RBFA: variants seen among roughly 807,000 people sequenced by gnomAD.
RBFA encodes the protein ribosome binding factor A.
RBFA carries 16 observed loss-of-function variants against 27.9 expected under a neutral mutation model. That is an observed-to-expected ratio of 0.57 (90% CI 0.39 to 0.87). The LOEUF (loss-of-function observed/expected upper bound fraction) is 0.87, where lower values mean the gene tolerates loss of function less well. Ranked by LOEUF, RBFA falls within the 40% of genes least tolerant of loss-of-function variation. RBFA has a pLI of 0.00. For missense variants in RBFA, 456 were observed against 432.1 expected (o/e 1.06, Z -0.49); for synonymous variants, 181 against 181.0 (o/e 1.00, Z 0.00).
chr18:80,044,964 T>TGTA (rs2052040889), intron 6 of RBFA, among the ~76,000 whole-genome samples: 1 of 152,214 alleles, frequency 6.6e-6, no homozygotes, highest in Non-Finnish European at 1.5e-5. Context: ...AGCTCCACGC[T>TGTA]GTAGCAGGCC....
intron 4 of RBFA, chr18:80,041,546 T>C (rs2052015716): frequency 2.6e-5 from 4 of 152,242 alleles, no homozygotes; most frequent in South Asian, 4.1e-4. Flanking sequence ...GCTACGGCGA[T>C]GAGTTCAGAT....
At chr18:80,044,579 T>C (rs1023151359) in intron 6 of RBFA, among the ~76,000 whole-genome samples, 3 of 152,200 alleles carry the variant, frequency 2.0e-5, no homozygotes, top group African/African-American at 7.2e-5. Flanking sequence ...GCCCACTGTG[T>C]GCCAAGCCCT....
At position 80,034,504 on chromosome 18, in the gene RBFA, T is replaced by C; in HGVS notation, c.9T>C (p.Ala3=). 1 of 1,569,688 alleles carries C rather than the reference T, an allele frequency of 6.4e-7. No individual in the cohort carries two copies. Among genetic ancestry groups the C allele is most frequent in the Non-Finnish European group, 8.6e-7 (1 of 1,164,646 alleles). The stretch of plus-strand genomic sequence containing the variant: ...GGTCCCGGCGCCGCGCCATGTGGGC[T>C]GCGGCGGGCGGGCTGTGGCGCTCCC... MW[A]AAGGLWRSRA... is the part of the protein sequence containing the mutation. The change falls in exon 1 of 7, where the codon GCT becomes GCC. Residue 3 remains alanine, a synonymous_variant. Coordinates refer to ENST00000306735, the MANE Select transcript of RBFA (RefSeq NM_024805.3).
chr18:80,046,174 T>A lies in RBFA; in HGVS notation c.*19T>A. On this transcript the variant is annotated 3_prime_UTR_variant, in exon 7 of 7. Transcript: ENST00000306735. ...GGAGTAGATGGAGAGGCTCTGCCCA[T>A]CCCACATTTGCAGGGAAAAGCATTG... The A allele has an allele frequency of 6.2e-7, 1 of 1,606,226 alleles. No homozygotes were observed. The highest frequency in any genetic ancestry group is 8.5e-7 in the Non-Finnish European group (1 of 1,174,860).
chr18:80,036,445 G>C (rs1309237249), intron 1 of RBFA, among the ~76,000 whole-genome samples: 1 of 152,186 alleles, frequency 6.6e-6, no homozygotes, highest in Non-Finnish European at 1.5e-5. Context: ...ACTAGAAGTA[G>C]AATTTAGGTA....
At chr18:80,040,239 A>ATTTTTTTGT in intron 4 of RBFA, among the ~76,000 whole-genome samples, 1 of 91,418 alleles carries the variant, frequency 1.1e-5, no homozygotes, top group African/African-American at 4.1e-5. Flanking sequence ...GGAGGCCTGA[A>ATTTTTTTGT]TTTTTTTTTT....
In RBFA at chr18:80,037,340, C is replaced by A. The variant is rs140820968; in HGVS notation, c.212C>A (p.Pro71Gln). ...PSLGSHSTYK[P>Q]SKLEFLMRST... ...TTCTTCCTGATGGAGACTTACAAAC[C>A]ATCCAAGTTGGAATTCCTCATGAGG... Residue 71 changes from proline to glutamine, a missense_variant, in exon 3 of 7, where the codon CCA becomes CAA. Pro to Gln is a moderately conservative substitution (Grantham distance 76). Coordinates refer to ENST00000306735, the MANE Select transcript of RBFA (RefSeq NM_024805.3). 4.3e-6 allele frequency: 7 copies of A among 1,613,658 alleles called. No homozygotes were observed. Among genetic ancestry groups the A allele is most frequent in the South Asian group, 1.1e-5 (1 of 91,062 alleles).
At position 80,047,929 on chromosome 18, in the gene RBFA, C is replaced by A. The variant is rs34978954; in HGVS notation, c.*1774C>A. On this transcript the variant is annotated 3_prime_UTR_variant, in exon 7 of 7. Coordinates refer to ENST00000306735, the MANE Select transcript of RBFA (RefSeq NM_024805.3). The stretch of plus-strand genomic sequence containing the variant: ...TCCCTGGCTTACAACAACCAGTTTG[C>A]CTCTTATTCTTCTAGGGGACCATCA... Among the ~76,000 whole-genome samples the A allele has an allele frequency of 0.19, 28,289 of 152,074 alleles. 2,869 individuals carry two copies. Among genetic ancestry groups the A allele is most frequent in the Middle Eastern group, 0.23 (69 of 294 alleles).
rs1463748947 is a variant in RBFA, at chr18:80,046,841, G to A, written c.*686G>A. ...TTCCCTTGGTGCCCGTGGCCAGCTA[G>A]TGTATTTTCTAATCCATCCAAAGGT... On this transcript the variant is annotated 3_prime_UTR_variant, in exon 7 of 7. Transcript: ENST00000306735. 2 of 152,882 alleles carry A rather than the reference G, an allele frequency of 1.3e-5. No homozygotes were observed. The highest frequency in any genetic ancestry group is 1.9e-4 in the East Asian group (1 of 5,194). 9.5% of individuals were successfully genotyped at this position (152,882 alleles called of 1,614,324 possible).
chr18:80,034,791 G>T, intron 1 of RBFA, 138 bp downstream of exon 1: 1 of 1,021,440 alleles, frequency 9.8e-7, no homozygotes, highest in Non-Finnish European at 1.4e-6. Context: ...GTCTGCAGCA[G>T]TTCTAGCTCT....
rs1184183426 is a variant in RBFA at position 80,050,398 on chromosome 18, A to C, written c.*4243A>C. Among the ~76,000 whole-genome samples, 1 of 152,214 alleles carries C rather than the reference A, an allele frequency of 6.6e-6. No individual in the cohort carries two copies. Among genetic ancestry groups the C allele is most frequent in the Non-Finnish European group, 1.5e-5 (1 of 68,028 alleles). On this transcript the variant is annotated 3_prime_UTR_variant, in exon 7 of 7. Transcript: ENST00000306735. ...GTAGGTGTATATATTTGTGGGGTACATGAGATGTTTTGATACAGACATGCA... is the reference window on the plus strand; with the variant it reads ...GTAGGTGTATATATTTGTGGGGTACCTGAGATGTTTTGATACAGACATGCA...
chr18:80,038,305 GA>G (rs1345383932), intron 3 of RBFA, among the ~76,000 whole-genome samples, 199 bp from the exon 4 acceptor site: 1 of 152,190 alleles, frequency 6.6e-6, no homozygotes, highest in African/African-American at 2.4e-5. Context: ...CTGGTGAAGA[GA>G]GGAGGGAGGT....
At chr18:80,044,373 C>T in intron 6 of RBFA, 88 bp downstream of exon 6, 1 of 1,156,142 alleles carries the variant, frequency 8.6e-7, no homozygotes, top group Non-Finnish European at 1.3e-6. Context: ...CCCAGCGCCA[C>T]ATCCCGAGTA....
At position 80,044,257 on chromosome 18, in the gene RBFA, A is replaced by C. The variant is rs1329744299; in HGVS notation, c.622A>C (p.Arg208=). The C allele has an allele frequency of 1.9e-6, 3 of 1,614,202 alleles. No homozygotes were observed. The highest frequency in any genetic ancestry group is 2.5e-6 in the Non-Finnish European group (3 of 1,180,012). ...CGCAGACTTTGGACCCCGGGATGAA[A>C]GAGACAACTTTGTACAAAATGATTT... is the stretch of plus-strand genomic sequence containing the variant. The part of the protein sequence containing the change: ...AVADFGPRDE[R]DNFVQNDFRD... The change falls in exon 6 of 7, where the codon AGA becomes CGA. Residue 208 remains arginine (R), a synonymous_variant. Coordinates refer to ENST00000306735, the MANE Select transcript of RBFA (RefSeq NM_024805.3).
At chr18:80,045,743 G>A (rs527890301) in intron 6 of RBFA, 31 bp from the exon 7 acceptor site, 1 of 1,506,904 alleles carries the variant, frequency 6.6e-7, no homozygotes, top group East Asian at 2.3e-5. Context: ...CATGGTTTGT[G>A]CTTGGTGTGA....
chr18:80,042,097 C>CG (rs2052020235), intron 4 of RBFA, 38 bp from the exon 5 acceptor site: 1 of 1,473,016 alleles, frequency 6.8e-7, no homozygotes, highest in Non-Finnish European at 9.3e-7. Flanking sequence ...CTGAGTGTCA[C>CG]GGCACAGCTG....
chr18:80,039,777 A>C (rs1042295116), intron 4 of RBFA, among the ~76,000 whole-genome samples: 1 of 152,204 alleles, frequency 6.6e-6, no homozygotes, highest in African/African-American at 2.4e-5. Context: ...TTGTTTTCCA[A>C]ATGACCAGTG....
chr18:80,036,167 A>T (rs905549136), intron 1 of RBFA: 1 of 152,688 alleles, frequency 6.5e-6, no homozygotes, highest in African/African-American at 2.4e-5. Context: ...ACCTATAAAC[A>T]TTTCCGTGTA....
At chr18:80,040,169 CAAA>C (rs930436807) in intron 4 of RBFA, among the ~76,000 whole-genome samples, 9 of 148,414 alleles carry the variant, frequency 6.1e-5, no homozygotes, top group Admixed American at 3.4e-4. Context: ...ATTTTTGTGA[CAAA>C]GAAGATCCAT....
Sources: gnomAD v4.1 joint callset for allele counts (sites outside exome capture counted in the v4.1 genomes callset) on GRCh38, gnomAD v4.1.1 for gene constraint, MANE v1.5 for transcripts, NCBI Gene and HGNC (gene_info 2026-07-23, HGNC 2026-07-21) for gene names.